HYKK: variants seen among roughly 807,000 people sequenced by gnomAD.
HYKK encodes hydroxylysine kinase.
Under a neutral mutation model 29.7 loss-of-function variants are expected in HYKK, and 19 were observed. The ratio of observed to expected loss-of-function variants is 0.64; its 90% confidence interval spans 0.45 to 0.94. The LOEUF is 0.94. Ranked by LOEUF, HYKK falls within the 40% of genes least tolerant of loss-of-function variation. The pLI is 0.00. For synonymous variants in HYKK, 152 were observed against 158.1 expected, an observed-to-expected ratio of 0.96 and a Z score of 0.29; for missense variants, 390 against 443.4, an observed-to-expected ratio of 0.88 and a Z score of 1.08.
chr15:78,528,140 G>A (rs1411542361), intron 4 of HYKK: 1 of 153,064 alleles, frequency 6.5e-6, no homozygotes, highest in African/African-American at 2.4e-5. Flanking sequence ...CAGGAACTGG[G>A]CCACACAGCA....
At chr15:78,522,558 CAAAAAAAAAAAAA>C (rs746784955) in intron 3 of HYKK, among the ~76,000 whole-genome samples, 1 of 42,744 alleles carries the variant, frequency 2.3e-5, no homozygotes, top group South Asian at 8.3e-4. Context: ...GACTCCGTCT[CAAAAAAAAAAAAA>C]AAAAAAAAAA....
At chr15:78,510,462 G>A (rs1305556502) in intron 1 of HYKK, among the ~76,000 whole-genome samples, 1 of 152,144 alleles carries the variant, frequency 6.6e-6, no homozygotes, top group South Asian at 2.1e-4. Flanking sequence ...GCCTCCCAAA[G>A]TGGTGGGATT....
chr15:78,521,336 G>C (rs1388237665), intron 3 of HYKK, among the ~76,000 whole-genome samples: 2 of 152,014 alleles, frequency 1.3e-5, no homozygotes, highest in Non-Finnish European at 2.9e-5. Flanking sequence ...GAAAGTATAG[G>C]ACAGGCTTAT....
intron 1 of HYKK, among the ~76,000 whole-genome samples, chr15:78,512,440 T>C (rs1259297688): frequency 6.7e-6 from 1 of 149,242 alleles, no homozygotes; most frequent in African/African-American, 2.5e-5. Context: ...CTCGCCCTGT[T>C]GCCCAGGCTA....
At chr15:78,521,839 C>T (rs1045213250) in intron 3 of HYKK, among the ~76,000 whole-genome samples, 16 of 152,094 alleles carry the variant, frequency 1.1e-4, no homozygotes, top group Non-Finnish European at 7.3e-5. Flanking sequence ...CTTCCCAGTA[C>T]CCCATACTAG....
rs750102310 is a variant in HYKK, at chr15:78,533,568, C to G, written c.1020C>G (p.Thr340=). 5.0e-6 allele frequency: 8 copies of G among 1,614,080 alleles called. 1 individual carries two copies. In the South Asian group the frequency reaches 8.8e-5, roughly 18 times the overall value. Residue 340 remains threonine (T), a synonymous_variant, in exon 5 of 5, where the codon ACC becomes ACG. Transcript: ENST00000388988. The part of the protein sequence containing the change: ...NKDYLMVTAK[T]GWKHLQQMFD... ...ACTATCTCATGGTTACTGCAAAAACCGGGTGGAAACACTTACAGCAAATGT... is the reference window on the plus strand; with the variant it reads ...ACTATCTCATGGTTACTGCAAAAACGGGGTGGAAACACTTACAGCAAATGT...
rs140474259 is a variant in HYKK, at chr15:78,515,341, G to C, written c.477+234G>C. ...CCACGCCTGTAATCCCAGCGCTTTG[G>C]GAGGCTGAGGCAGAGGAATCTAACT... On this transcript the variant is annotated intron_variant, in intron 3 of 4. Transcript: ENST00000388988. Among the ~76,000 whole-genome samples, 1,117 of 152,202 alleles carry C rather than the reference G, an allele frequency of 7.3e-3. 16 individuals carry two copies. Among genetic ancestry groups the C allele is most frequent in the African/African-American group, 0.025 (1,055 of 41,534 alleles).
intron 3 of HYKK, among the ~76,000 whole-genome samples, chr15:78,516,571 A>C (rs2141355687): frequency 6.6e-6 from 1 of 151,806 alleles, no homozygotes; most frequent in Admixed American, 6.6e-5. Context: ...GCTGGTCTCA[A>C]ACTCCTGAGC....
At chr15:78,509,982 A>T (rs557771780) in intron 1 of HYKK, among the ~76,000 whole-genome samples, 1 of 152,188 alleles carries the variant, frequency 6.6e-6, no homozygotes, top group East Asian at 1.9e-4. Flanking sequence ...TGGAGCAATC[A>T]CTTTGGGTAG....
chr15:78,513,611 G>A (rs367603821), intron 2 of HYKK, among the ~76,000 whole-genome samples, 186 bp downstream of exon 2: 5 of 152,198 alleles, frequency 3.3e-5, no homozygotes, highest in South Asian at 2.1e-4. Context: ...AAGCTACAGC[G>A]TCATCAAAGT....
chr15:78,521,638 C>CA (rs2052197642), intron 3 of HYKK, among the ~76,000 whole-genome samples: 2 of 152,116 alleles, frequency 1.3e-5, no homozygotes, highest in African/African-American at 4.8e-5. Flanking sequence ...TCAAGGACAA[C>CA]ACTGATTTTA....
At chr15:78,513,475 G>A in intron 2 of HYKK, 50 bp downstream of exon 2, 2 of 1,333,856 alleles carry the variant, frequency 1.5e-6, no homozygotes, top group Non-Finnish European at 2.1e-6. Context: ...ACACATCACT[G>A]CATTTTGGCC....
At chr15:78,522,693 A>ATGATAAAACCC (rs546043680) in intron 3 of HYKK, among the ~76,000 whole-genome samples, 199 of 152,310 alleles carry the variant, frequency 1.3e-3, no homozygotes, top group South Asian at 1.2e-3. Context: ...CCTGGCCAAC[A>ATGATAAAACCC]TGATAAAACC....
At chr15:78,525,085 A>G (rs375442076) in intron 3 of HYKK, among the ~76,000 whole-genome samples, 36 of 152,318 alleles carry the variant, frequency 2.4e-4, no homozygotes, top group East Asian at 2.1e-3. Context: ...TATCAGGGGA[A>G]GGTTCTCAAA....
chr15:78,515,824 G>A (rs369995083), intron 3 of HYKK, among the ~76,000 whole-genome samples: 100 of 152,146 alleles, frequency 6.6e-4, no homozygotes, highest in African/African-American at 2.0e-3. Flanking sequence ...TCCTGACCTC[G>A]TGATCCACCC....
rs2052344836 is a variant in HYKK at position 78,534,580 on chromosome 15, T to C, written c.*910T>C. ...CATCCCTTCTTATCACACCTGCTAT[T>C]ATAGTGCCTTTCCTACAGAGAGGTC... On this transcript the variant is annotated 3_prime_UTR_variant, in exon 5 of 5. Coordinates refer to ENST00000388988, the MANE Select transcript of HYKK (RefSeq NM_001013619.4). 6.6e-6 allele frequency: 1 copy of C among 152,178 alleles called. No homozygotes were observed. Among genetic ancestry groups the C allele is most frequent in the Non-Finnish European group, 1.5e-5 (1 of 68,016 alleles). 9.4% of individuals were successfully genotyped at this position (152,178 alleles called of 1,614,324 possible). A position where few individuals can be genotyped will look rare whatever the true frequency, so the allele number is the denominator to read the frequency against.
rs546500576 is a variant in HYKK at position 78,536,139 on chromosome 15, C to G, written c.*2469C>G. 1 of 152,130 alleles carries G rather than the reference C, an allele frequency of 6.6e-6. No homozygotes were observed. Among genetic ancestry groups the G allele is most frequent in the Non-Finnish European group, 1.5e-5 (1 of 68,032 alleles). The allele number at this position is 152,130 out of a possible 1,614,324, so 9.4% of individuals were successfully genotyped here. On this transcript the variant is annotated 3_prime_UTR_variant, in exon 5 of 5. Transcript: ENST00000388988. ...TGTGGGAAGTACTGTTATAATTAAT[C>G]GTCATTTTCAGATAAGAAAATAGCA...
In HYKK at chr15:78,513,220, T is replaced by C; in HGVS notation, c.132T>C (p.Asp44=). The change falls in exon 2 of 5, where the codon GAT becomes GAC. Residue 44 remains aspartate, a synonymous_variant. Coordinates refer to ENST00000388988, the MANE Select transcript of HYKK (RefSeq NM_001013619.4). ...AGGTCCGGCCACTTCCTAGCTATGA[T>C]GACCAAAACTTTCATGTCTACGTTT... ...VSKVRPLPSY[D]DQNFHVYVSK... is the part of the protein sequence containing the mutation. The C allele has an allele frequency of 6.2e-7, 1 of 1,614,228 alleles. No homozygotes were observed. Among genetic ancestry groups the C allele is most frequent in the Non-Finnish European group, 8.5e-7 (1 of 1,180,036 alleles).
At chr15:78,508,757 CAAA>C (rs1234834180) in intron 1 of HYKK, among the ~76,000 whole-genome samples, 1 of 151,236 alleles carries the variant, frequency 6.6e-6, no homozygotes, top group Non-Finnish European at 1.5e-5. Context: ...ATAATAAAAT[CAAA>C]AAGACAGCCA....
Sources: allele counts gnomAD v4.1 joint callset (sites outside exome capture counted in the v4.1 genomes callset), GRCh38; gene constraint gnomAD v4.1.1; transcripts MANE v1.5; gene names NCBI Gene and HGNC (gene_info 2026-07-23, HGNC 2026-07-21).